DYNC2H1: variants seen among roughly 807,000 people sequenced by gnomAD.
The protein encoded by DYNC2H1 is dynein cytoplasmic 2 heavy chain 1, also known as cytoplasmic dynein 2 heavy chain 1.
Under a neutral mutation model 570.0 loss-of-function variants are expected in DYNC2H1, and 410 were observed. The observed-to-expected ratio is 0.72, with a 90% CI of 0.66 to 0.78. DYNC2H1 has a LOEUF of 0.78. Among genes scored for constraint, DYNC2H1 ranks in the 30% least tolerant of loss-of-function variants. The pLI is 0.00. For missense variants in DYNC2H1, 4,865 were observed against 5,046.4 expected (o/e 0.96, Z 1.09); for synonymous variants, 1,688 against 1,677.6 (o/e 1.01, Z -0.15).
intron 70 of DYNC2H1, among the ~76,000 whole-genome samples, chr11:103,266,785 C>T (rs1268009040): frequency 2.6e-5 from 4 of 152,058 alleles, no homozygotes; most frequent in East Asian, 1.9e-4. Flanking sequence ...CCCCTGGGCA[C>T]CTGAGGCTGC....
chr11:103,477,832 CAAA>C (rs55817710), intron 88 of DYNC2H1, among the ~76,000 whole-genome samples: 12,573 of 72,270 alleles, frequency 0.17, 633 homozygotes, highest in Middle Eastern at 0.3. Flanking sequence ...CTCCCCATCT[CAAA>C]AAAAAAAAAA....
In DYNC2H1 at chr11:103,277,095, A is replaced by G. The variant is rs943909591; in HGVS notation, c.10696-3253A>G. Among the ~76,000 whole-genome samples, 1 of 152,102 alleles carries G rather than the reference A, an allele frequency of 6.6e-6. No homozygotes were observed. The highest frequency in any genetic ancestry group is 2.4e-5 in the African/African-American group (1 of 41,440). On this transcript the variant is annotated intron_variant, in intron 70 of 88. Transcript: ENST00000375735. The surrounding 1 kb of genome is among the most constrained non-coding windows in gnomAD (Gnocchi z 4.3). Reference sequence around the variant, plus strand: ...TCATGCTCTTTGTAATAGCCAAATAATGTATACATATAAATAAAGAAAAAA... The same window carrying G: ...TCATGCTCTTTGTAATAGCCAAATAGTGTATACATATAAATAAAGAAAAAA...
chr11:103,434,803 T>C (rs576871987), intron 84 of DYNC2H1, among the ~76,000 whole-genome samples: 6 of 152,118 alleles, frequency 3.9e-5, no homozygotes, highest in Non-Finnish European at 7.4e-5. Context: ...TGGGGGTCTC[T>C]GTTCATCTCC....
chr11:103,393,290 G>A (rs1199657635), intron 83 of DYNC2H1, among the ~76,000 whole-genome samples: 1 of 152,198 alleles, frequency 6.6e-6, no homozygotes, highest in East Asian at 1.9e-4. Context: ...ATCATGGTCT[G>A]TGTTAGGCCT....
At position 103,477,713 on chromosome 11, in the gene DYNC2H1, C is replaced by A. The variant is rs541299825; in HGVS notation, c.12766-1382C>A. Among the ~76,000 whole-genome samples, 5 of 151,864 alleles carry A rather than the reference C, an allele frequency of 3.3e-5. No individual in the cohort carries two copies. In the East Asian group the frequency reaches 9.7e-4, roughly 29 times the overall value. On this transcript the variant is annotated intron_variant, in intron 88 of 88. Transcript: ENST00000375735. ...AGGCGTGGTGGCAGGTGCCTGTAGT[C>A]CCAGCTACTTGGGAGGCTGAGGCAG...
intron 55 of DYNC2H1, among the ~76,000 whole-genome samples, chr11:103,218,440 C>A (rs1863464847): frequency 6.6e-6 from 1 of 151,898 alleles, no homozygotes; most frequent in Non-Finnish European, 1.5e-5. Context: ...ATATTTTTTT[C>A]TCAAGGTATT....
chr11:103,386,490 T>C (rs1274192272), intron 83 of DYNC2H1, among the ~76,000 whole-genome samples: 1 of 151,874 alleles, frequency 6.6e-6, no homozygotes, highest in African/African-American at 2.4e-5. Flanking sequence ...GGCTATCTTA[T>C]TGGCTTTCTT....
At position 103,158,996 on chromosome 11, in the gene DYNC2H1, G is replaced by T; in HGVS notation, c.4347G>T (p.Val1449=). The T allele has an allele frequency of 6.2e-7, 1 of 1,613,198 alleles. No individual in the cohort carries two copies. Among genetic ancestry groups the T allele is most frequent in the Non-Finnish European group, 8.5e-7 (1 of 1,179,600 alleles). ...EILGQSTNPS[V]IQSHLKKLFA... ...TGGGCCAGTCTACCAACCCATCAGT[G>T]ATTCAGTCTCACCTGAAGAAGCTTT... The change falls in exon 28 of 89, where the codon GTG becomes GTT. Residue 1449 remains valine (V), a synonymous_variant. Coordinates refer to ENST00000375735, the MANE Select transcript of DYNC2H1 (RefSeq NM_001377.3).
chr11:103,208,661 A>G (rs545943968), intron 52 of DYNC2H1, among the ~76,000 whole-genome samples: 1 of 152,292 alleles, frequency 6.6e-6, no homozygotes, highest in Admixed American at 6.5e-5. Context: ...ACTAGAAGCA[A>G]TTGAAAGTTA....
chr11:103,188,749 T>C (rs542464958), intron 44 of DYNC2H1, 101 bp downstream of exon 44: 2 of 1,005,158 alleles, frequency 2.0e-6, no homozygotes, highest in African/African-American at 3.4e-5. Flanking sequence ...ATTTAGAATA[T>C]AAAAATGGTC....
intron 83 of DYNC2H1, among the ~76,000 whole-genome samples, chr11:103,392,262 A>G (rs1359486968): frequency 6.6e-6 from 1 of 152,202 alleles, no homozygotes; most frequent in Non-Finnish European, 1.5e-5. Flanking sequence ...TGTGCTAGCA[A>G]TGAGCTAGGC....
At chr11:103,116,463 T>G in intron 4 of DYNC2H1, 107 bp from the exon 5 acceptor site, 1 of 740,728 alleles carries the variant, frequency 1.4e-6, no homozygotes, top group Non-Finnish European at 1.9e-6. Context: ...GAAAATAATA[T>G]GGCAAATATT....
At chr11:103,445,141 T>G (rs1383564831) in intron 85 of DYNC2H1, among the ~76,000 whole-genome samples, 1 of 152,216 alleles carries the variant, frequency 6.6e-6, no homozygotes, top group Non-Finnish European at 1.5e-5. Context: ...TAAAATTCAC[T>G]TTCTGCTTTC....
rs929414686 is a variant in DYNC2H1, at chr11:103,135,459, A to G, written c.2206-36A>G. On this transcript the variant is annotated intron_variant, in intron 15 of 88. Transcript: ENST00000375735. ...AAATGAAAAATCCATTCTACTGCCT[A>G]ATTTTTAAATTAAAAATGTGAATGT... The G allele has an allele frequency of 2.1e-6, 3 of 1,439,052 alleles. No homozygotes were observed. The African/African-American group carries it at 4.3e-5, about 21-fold the overall frequency. 89.1% of individuals were successfully genotyped at this position (1,439,052 alleles called of 1,614,324 possible).
At chr11:103,169,203 C>T (rs1861465556) in intron 32 of DYNC2H1, among the ~76,000 whole-genome samples, 1 of 152,020 alleles carries the variant, frequency 6.6e-6, no homozygotes, top group African/African-American at 2.4e-5. Context: ...TGTACCTTTT[C>T]TTGGAGTTGC....
chr11:103,269,773 A>G (rs1332561967), intron 70 of DYNC2H1, among the ~76,000 whole-genome samples: 4 of 152,224 alleles, frequency 2.6e-5, no homozygotes, highest in Non-Finnish European at 5.9e-5. Context: ...TTATGTTTAT[A>G]ATAAAACAAT....
At chr11:103,265,421 C>G (rs1260173062) in intron 70 of DYNC2H1, among the ~76,000 whole-genome samples, 1 of 152,202 alleles carries the variant, frequency 6.6e-6, no homozygotes, top group African/African-American at 2.4e-5. Flanking sequence ...CTCTCAGATT[C>G]TTTCCTCCAC....
At chr11:103,178,936 T>G (rs1334481794) in intron 38 of DYNC2H1, 90 bp from the exon 39 acceptor site, 2 of 1,289,900 alleles carry the variant, frequency 1.6e-6, no homozygotes, top group African/African-American at 1.5e-5. Flanking sequence ...CAAATTCATA[T>G]GAAAATTAAG....
chr11:103,161,116 T>C, intron 29 of DYNC2H1, 72 bp downstream of exon 29: 1 of 843,294 alleles, frequency 1.2e-6, no homozygotes, highest in Non-Finnish European at 1.7e-6. Context: ...TAAAATAATT[T>C]AGTCAATTTA....
Sources: allele counts gnomAD v4.1 joint callset (sites outside exome capture counted in the v4.1 genomes callset), GRCh38; gene constraint gnomAD v4.1.1; non-coding constraint Gnocchi (gnomAD v3.1); transcripts MANE v1.5; gene names NCBI Gene and HGNC (gene_info 2026-07-23, HGNC 2026-07-21).